The following NELL2 variants were observed in gnomAD, a reference collection of about 807,000 sequenced individuals.
NELL2 encodes the protein protein kinase C-binding protein NELL2.
In NELL2, 41 loss-of-function variants were observed where a neutral mutation model predicts 109.6. The observed-to-expected ratio is 0.37, with a 90% confidence interval of 0.29 to 0.49. The LOEUF (loss-of-function observed/expected upper bound fraction) is 0.49. Ranked by LOEUF, NELL2 falls within the 20% of genes least tolerant of loss-of-function variation. NELL2 has a pLI of 0.98. For missense variants in NELL2, 900 were observed against 1,008.3 expected (o/e 0.89, Z 1.45); for synonymous variants, 355 against 344.7 (o/e 1.03, Z -0.33).
At chr12:44,531,483 A>G (rs59680924) in intron 16 of NELL2, among the ~76,000 whole-genome samples, 6,252 of 152,196 alleles carry the variant, frequency 0.041, 456 homozygotes, top group African/African-American at 0.14. Context: ...AAGTGGTAAC[A>G]TGCAAATGCC....
At chr12:44,730,731 CA>C (rs1373295189) in intron 9 of NELL2, among the ~76,000 whole-genome samples, 1 of 151,452 alleles carries the variant, frequency 6.6e-6, no homozygotes, top group Non-Finnish European at 1.5e-5. Flanking sequence ...AGAAAAAGAA[CA>C]AACTAATTTC....
At chr12:44,775,997 G>A in intron 8 of NELL2, 25 bp downstream of exon 8, 1 of 1,606,930 alleles carries the variant, frequency 6.2e-7, no homozygotes, top group Non-Finnish European at 8.5e-7. Flanking sequence ...AGTTCCCTTA[G>A]TCTCAACTCA....
At chr12:44,558,355 A>T (rs1223036764) in intron 15 of NELL2, among the ~76,000 whole-genome samples, 1 of 152,262 alleles carries the variant, frequency 6.6e-6, no homozygotes, top group East Asian at 1.9e-4. Context: ...AGAATGGAAC[A>T]TCAGGGGCTG....
At chr12:44,709,223 C>A (rs534973457) in intron 11 of NELL2, among the ~76,000 whole-genome samples, 1 of 152,234 alleles carries the variant, frequency 6.6e-6, no homozygotes, top group African/African-American at 2.4e-5. Flanking sequence ...TGAATGTGGG[C>A]TGCCTGTGAG....
intron 1 of NELL2, among the ~76,000 whole-genome samples, chr12:44,909,173 A>C (rs1338723225): frequency 6.6e-6 from 1 of 152,046 alleles, no homozygotes; most frequent in Non-Finnish European, 1.5e-5. Context: ...TTCTATACCT[A>C]GAAAACTCCA....
chr12:44,894,073 A>G (rs1448168960), intron 1 of NELL2, among the ~76,000 whole-genome samples: 1 of 152,250 alleles, frequency 6.6e-6, no homozygotes, highest in African/African-American at 2.4e-5. Context: ...ACATTGTTCA[A>G]TGAAAGTTTG....
intron 2 of NELL2, 142 bp from the exon 3 acceptor site, chr12:44,816,278 A>G: frequency 1.6e-6 from 1 of 641,318 alleles, no homozygotes. Flanking sequence ...TTGGTAAATT[A>G]TTTTTCAAAA....
chr12:44,853,674 C>A (rs1423635398), intron 2 of NELL2, among the ~76,000 whole-genome samples: 1 of 152,104 alleles, frequency 6.6e-6, no homozygotes, highest in African/African-American at 2.4e-5. Context: ...AACACTAATA[C>A]TTACATTACA....
intron 13 of NELL2, among the ~76,000 whole-genome samples, chr12:44,644,593 T>TATATATATACATAC (rs1946995848): frequency 2.0e-5 from 2 of 100,666 alleles, no homozygotes; most frequent in African/African-American, 9.1e-5. Context: ...TATATATATA[T>TATATATATACATAC]ATATATATAT....
chr12:44,560,033 C>G (rs1238396675), intron 15 of NELL2, among the ~76,000 whole-genome samples: 2 of 152,172 alleles, frequency 1.3e-5, no homozygotes, highest in Non-Finnish European at 2.9e-5. Flanking sequence ...TCACTCGAAA[C>G]CACACAACTA....
chr12:44,511,618 C>T (rs1018131005), intron 19 of NELL2, among the ~76,000 whole-genome samples: 1 of 152,148 alleles, frequency 6.6e-6, no homozygotes, highest in African/African-American at 2.4e-5. Context: ...CCTTTTAAAT[C>T]CTTGGCTGAT....
rs149835541 is a variant in NELL2 at position 44,575,557 on chromosome 12, T to C, written c.1663+31612A>G. On this transcript the variant is annotated intron_variant, in intron 15 of 19. Transcript: ENST00000429094. The stretch of plus-strand genomic sequence containing the variant: ...TTGGTCTTGCCTTTTGGGTGTCCAG[T>C]TGACTCTAAAGCAACTGCATTTTGC... 2.3e-4 allele frequency among the ~76,000 whole-genome samples: 35 copies of C among 152,336 alleles called. No individual in the cohort carries two copies. The East Asian group carries it at 6.2e-3, about 27-fold the overall frequency.
chr12:44,917,902 G>A (rs144854217), upstream of NELL2, among the ~76,000 whole-genome samples: 14 of 152,148 alleles, frequency 9.2e-5, no homozygotes, highest in African/African-American at 3.1e-4. Context: ...AAAAAGTCAG[G>A]GCTCTCCGCC....
At chr12:44,743,163 A>G (rs1320962431) in intron 9 of NELL2, among the ~76,000 whole-genome samples, 1 of 152,220 alleles carries the variant, frequency 6.6e-6, no homozygotes, top group Non-Finnish European at 1.5e-5. Context: ...TCTTAAAGAA[A>G]AGAATTTTCA....
At chr12:44,715,411 C>T (rs1326012767) in intron 9 of NELL2, among the ~76,000 whole-genome samples, 3 of 151,294 alleles carry the variant, frequency 2.0e-5, no homozygotes, top group Non-Finnish European at 4.4e-5. Flanking sequence ...ATCAAATAAT[C>T]TTTTTCTAAA....
At chr12:44,668,052 C>T (rs541503206) in intron 12 of NELL2, among the ~76,000 whole-genome samples, 3 of 152,284 alleles carry the variant, frequency 2.0e-5, no homozygotes, top group East Asian at 1.9e-4. Flanking sequence ...ACATCCTGTC[C>T]TGAGGCCCAA....
At chr12:44,813,734 ATTTC>A (rs1408934226) in intron 3 of NELL2, among the ~76,000 whole-genome samples, 3 of 152,270 alleles carry the variant, frequency 2.0e-5, no homozygotes, top group African/African-American at 7.2e-5. Context: ...CAATTTTCCT[ATTTC>A]TTTCTGTCAG....
chr12:44,607,952 G>A (rs909865876), intron 14 of NELL2, among the ~76,000 whole-genome samples: 2 of 152,074 alleles, frequency 1.3e-5, no homozygotes, highest in Non-Finnish European at 2.9e-5. Context: ...GGGAGCCAAG[G>A]TCTGTACCAT....
At position 44,565,392 on chromosome 12, in the gene NELL2, G is replaced by A. The variant is rs145753767; in HGVS notation, c.1664-32671C>T. Reference sequence around the variant, plus strand: ...TTAGACACTTTCTGATTTTTGGAATGTTAAAATGTGAAATACGTGCATCTT... The same window carrying A: ...TTAGACACTTTCTGATTTTTGGAATATTAAAATGTGAAATACGTGCATCTT... On this transcript the variant is annotated intron_variant, in intron 15 of 19. Transcript: ENST00000429094. Among the ~76,000 whole-genome samples, 330 of 152,310 alleles carry A rather than the reference G, an allele frequency of 2.2e-3. 1 individual carries two copies. The highest frequency in any genetic ancestry group is 7.2e-3 in the African/African-American group (298 of 41,574).
Sources: gnomAD v4.1 joint callset for allele counts (sites outside exome capture counted in the v4.1 genomes callset) on GRCh38, gnomAD v4.1.1 for gene constraint, MANE v1.5 for transcripts, NCBI Gene and HGNC (gene_info 2026-07-23, HGNC 2026-07-21) for gene names.